ACOT12: variants seen among roughly 807,000 people sequenced by gnomAD.
The protein encoded by ACOT12 is acetyl-coenzyme A thioesterase.
Under a neutral mutation model 67.7 loss-of-function variants are expected in ACOT12, and 51 were observed. That is an observed-to-expected ratio of 0.75 (90% CI 0.60 to 0.95). The LOEUF is 0.95. Ranked by LOEUF, ACOT12 falls within the 40% of genes least tolerant of loss-of-function variation. The pLI is 0.00. For synonymous variants in ACOT12, 251 were observed against 244.6 expected (o/e 1.03, Z -0.24); for missense variants, 734 against 708.1 (o/e 1.04, Z -0.41).
chr5:81,350,415 TCTTA>T (rs1759517009), intron 5 of ACOT12, among the ~76,000 whole-genome samples: 2 of 152,364 alleles, frequency 1.3e-5, no homozygotes. Flanking sequence ...AGCCTCTTCA[TCTTA>T]CTTGATAAAT....
chr5:81,321,062 C>T, the ACOT12 span, among the ~76,000 whole-genome samples: 4 of 152,088 alleles, frequency 2.6e-5, no homozygotes, highest in Non-Finnish European at 1.5e-5. Flanking sequence ...TCAAGACCGG[C>T]CTGGGCAACA....
At chr5:81,375,680 G>A (rs1392455203) in intron 2 of ACOT12, among the ~76,000 whole-genome samples, 2 of 151,952 alleles carry the variant, frequency 1.3e-5, no homozygotes, top group Admixed American at 1.3e-4. Flanking sequence ...AAAAAAGCAG[G>A]GGTTGCATCC....
intron 1 of ACOT12, 29 bp downstream of exon 1, chr5:81,393,959 G>A: frequency 1.5e-6 from 2 of 1,305,494 alleles, no homozygotes; most frequent in South Asian, 2.3e-5. Context: ...CCGGTCCCGC[G>A]CCTCCCCGCA....
At chr5:81,356,274 T>C (rs1759711404) in intron 5 of ACOT12, among the ~76,000 whole-genome samples, 1 of 152,164 alleles carries the variant, frequency 6.6e-6, no homozygotes, top group African/African-American at 2.4e-5. Context: ...CAGGTTTTAT[T>C]CCTCACTTCC....
At chr5:81,381,501 T>A (rs1760584512) in intron 2 of ACOT12, among the ~76,000 whole-genome samples, 1 of 152,234 alleles carries the variant, frequency 6.6e-6, no homozygotes, top group South Asian at 2.1e-4. Flanking sequence ...ATATACTATA[T>A]ATACTTTTCT....
chr5:81,394,023 A>G lies in ACOT12; in HGVS notation c.92T>C (p.Leu31Pro). The G allele has an allele frequency of 6.8e-7, 1 of 1,461,338 alleles. No individual in the cohort carries two copies. The allele number at this position is 1,461,338 out of a possible 1,614,324, so 90.5% of individuals were successfully genotyped here. The change falls in exon 1 of 15, where the codon CTG becomes CCG. Residue 31 changes from leucine (L) to proline (P), a missense_variant. Transcript: ENST00000307624. ...GGCGGTGGTGTCGATCCACTTGAGC[A>G]GCTGCCCCGCGCTCAGCTCGCCGCG... ...TARGELSAGQ[L>P]LKWIDTTACL...
At chr5:81,316,810 T>C in the ACOT12 span, among the ~76,000 whole-genome samples, 72,342 of 152,066 alleles carry the variant, frequency 0.48, 17,936 homozygotes, top group Admixed American at 0.6. Context: ...TGACTAATGA[T>C]GTAGAATGCC....
rs140954672 is a variant in ACOT12 at position 81,330,913 on chromosome 5, C to T, written c.1419G>A (p.Ser473=). ...ACGGGGGGACCGATGGCAAAATGAC[C>T]GACTTCACTGCCACTGTGTAAGTGT... ...DGNTYTVAVK[S]VILPSVPPSP... is the part of the protein sequence containing the mutation. The change falls in exon 14 of 15, where the codon TCG becomes TCA. Residue 473 remains serine (S), a synonymous_variant. Coordinates refer to ENST00000307624, the MANE Select transcript of ACOT12 (RefSeq NM_130767.3). 1.1e-4 allele frequency: 170 copies of T among 1,611,704 alleles called. No individual in the cohort carries two copies. The highest frequency in any genetic ancestry group is 2.0e-4 in the Admixed American group (12 of 59,448).
the ACOT12 span, among the ~76,000 whole-genome samples, chr5:81,320,745 T>C: frequency 6.6e-6 from 1 of 152,166 alleles, no homozygotes; most frequent in African/African-American, 2.4e-5. Flanking sequence ...CCTGCAAACA[T>C]TTCAGGTTTG....
rs571711398 is a variant in ACOT12 at position 81,351,781 on chromosome 5, G to A, written c.497-3851C>T. Among the ~76,000 whole-genome samples, 4 of 152,210 alleles carry A rather than the reference G, an allele frequency of 2.6e-5. No individual in the cohort carries two copies. The South Asian group carries it at 6.2e-4, about 24-fold the overall frequency. ...AATCACATCAAGTTAAAAAGCATCT[G>A]CACAGCAAAGAAAACAATCAACAAA... On this transcript the variant is annotated intron_variant, in intron 5 of 14. Coordinates refer to ENST00000307624, the MANE Select transcript of ACOT12 (RefSeq NM_130767.3).
chr5:81,379,723 AT>A (rs1323852717), intron 2 of ACOT12, among the ~76,000 whole-genome samples: 1 of 152,142 alleles, frequency 6.6e-6, no homozygotes, highest in Non-Finnish European at 1.5e-5. Context: ...AATTCATACT[AT>A]TTTAATCATA....
intron 5 of ACOT12, among the ~76,000 whole-genome samples, chr5:81,348,561 G>A (rs938779773): frequency 2.0e-5 from 3 of 152,102 alleles, no homozygotes; most frequent in Admixed American, 6.5e-5. Context: ...ACTTCTTCAT[G>A]TCCTTCTGCT....
At chr5:81,363,179 C>T (rs1388446865) in intron 4 of ACOT12, among the ~76,000 whole-genome samples, 1 of 152,032 alleles carries the variant, frequency 6.6e-6, no homozygotes, top group African/African-American at 2.4e-5. Flanking sequence ...AAAAAAAAGC[C>T]AAGAAATTGT....
At chr5:81,368,808 A>G (rs753161184) in intron 3 of ACOT12, among the ~76,000 whole-genome samples, 9 of 152,106 alleles carry the variant, frequency 5.9e-5, no homozygotes, top group Non-Finnish European at 1.3e-4. Flanking sequence ...AATAACCAAC[A>G]GCAGAAATCA....
intron 13 of ACOT12, among the ~76,000 whole-genome samples, chr5:81,332,171 A>C (rs1216152218): frequency 6.6e-6 from 1 of 152,200 alleles, no homozygotes; most frequent in Non-Finnish European, 1.5e-5. Flanking sequence ...CTGATGTCTT[A>C]TTTGGCTTCC....
rs113234186 is a variant in ACOT12, at chr5:81,344,170, G to T, written c.970C>A (p.Arg324Ser). The change falls in exon 9 of 15, where the codon CGC becomes AGC. Residue 324 changes from arginine (R) to serine (S), a missense_variant. Arg to Ser is a moderately radical substitution (Grantham distance 110). Coordinates refer to ENST00000307624, the MANE Select transcript of ACOT12 (RefSeq NM_130767.3). Reference sequence around the variant, plus strand: ...CCTTATGTTCCTTACCTGCCTAGGCGAATTCGCTTGCGTGCAATAGCTCCC... The same window carrying T: ...CCTTATGTTCCTTACCTGCCTAGGCTAATTCGCTTGCGTGCAATAGCTCCC... Reference protein sequence around the residue: ...YRGAIARKRIRLGRKYVISHK... With the variant: ...YRGAIARKRISLGRKYVISHK... The T allele has an allele frequency of 1.2e-6, 2 of 1,613,586 alleles. No individual in the cohort carries two copies. The highest frequency in any genetic ancestry group is 2.7e-5 in the African/African-American group (2 of 74,906).
intron 11 of ACOT12, among the ~76,000 whole-genome samples, chr5:81,340,385 G>A (rs1333594197): frequency 5.2e-5 from 7 of 135,528 alleles, no homozygotes; most frequent in Non-Finnish European, 3.2e-5. Context: ...TTTTTGAGAT[G>A]GAGTCTCACT....
intron 14 of ACOT12, 63 bp from the exon 15 acceptor site, chr5:81,330,606 G>C (rs1758786199): frequency 1.3e-6 from 2 of 1,575,242 alleles, no homozygotes; most frequent in East Asian, 4.5e-5. Context: ...TTCAAGAAAG[G>C]ATCTGAGTCT....
chr5:81,334,409 C>A (rs1580528799), intron 12 of ACOT12, among the ~76,000 whole-genome samples: 2 of 152,176 alleles, frequency 1.3e-5, no homozygotes, highest in Admixed American at 6.5e-5. Flanking sequence ...CTCAAAAACA[C>A]TCCCCACGAC....
Sources: gnomAD v4.1 joint callset for allele counts (sites outside exome capture counted in the v4.1 genomes callset) on GRCh38, gnomAD v4.1.1 for gene constraint, MANE v1.5 for transcripts, NCBI Gene and HGNC (gene_info 2026-07-23, HGNC 2026-07-21) for gene names.